The following REPS1 variants were observed in gnomAD, a reference collection of about 807,000 sequenced individuals.
The protein encoded by REPS1 is ralBP1-associated Eps domain-containing protein 1.
Under a neutral mutation model 100.9 loss-of-function variants are expected in REPS1, and 39 were observed. The observed-to-expected ratio is 0.39, with a 90% CI of 0.30 to 0.50. The LOEUF (loss-of-function observed/expected upper bound fraction) is 0.50, where lower values mean the gene tolerates loss of function less well. REPS1 is among the 20% of genes least tolerant of loss of function. The pLI is 0.86. For missense variants in REPS1, 821 were observed against 968.5 expected (o/e 0.85, Z 2.02); for synonymous variants, 324 against 340.3 (o/e 0.95, Z 0.53).
At chr6:138,973,154 G>A (rs901691617) in intron 1 of REPS1, among the ~76,000 whole-genome samples, 1 of 152,174 alleles carries the variant, frequency 6.6e-6, no homozygotes, top group East Asian at 1.9e-4. Context: ...ATAGAGTTGG[G>A]AGACTACAGA....
chr6:138,907,250 A>G, intron 19 of REPS1: 1 of 306,686 alleles, frequency 3.3e-6, no homozygotes, highest in South Asian at 5.8e-5. Flanking sequence ...GTGGGAGGAT[A>G]GCTTGAGCCC....
chr6:138,964,961 A>G (rs1783932730), intron 1 of REPS1, among the ~76,000 whole-genome samples: 1 of 152,194 alleles, frequency 6.6e-6, no homozygotes, highest in Non-Finnish European at 1.5e-5. Flanking sequence ...CAGTCAAACA[A>G]CCAATGTAAG....
chr6:138,903,667 T>G lies in REPS1; in HGVS notation c.*1397A>C, dbSNP rs1779484674. ...ATGAAATACAGCTGAGTAAAAATGT[T>G]TCTTTGAAAACAAAGACACTCAGAA... On this transcript the variant is annotated 3_prime_UTR_variant, in exon 20 of 20. Transcript: ENST00000450536. 1 of 152,216 alleles carries G rather than the reference T, an allele frequency of 6.6e-6. No homozygotes were observed. The highest frequency in any genetic ancestry group is 2.4e-5 in the African/African-American group (1 of 41,470). 9.4% of individuals were successfully genotyped at this position (152,216 alleles called of 1,614,324 possible).
intron 19 of REPS1, among the ~76,000 whole-genome samples, chr6:138,905,533 C>T (rs1779585287): frequency 6.6e-6 from 1 of 151,468 alleles, no homozygotes; most frequent in African/African-American, 2.4e-5. Context: ...CCTCATGATC[C>T]ACCCGCCTCG....
At chr6:138,933,266 T>C (rs376426038) in intron 8 of REPS1, among the ~76,000 whole-genome samples, 71 of 152,330 alleles carry the variant, frequency 4.7e-4, no homozygotes, top group African/African-American at 1.6e-3. Flanking sequence ...TTAGGCCAGA[T>C]AGTAACTATT....
intron 17 of REPS1, among the ~76,000 whole-genome samples, chr6:138,910,589 A>C (rs1055185825): frequency 3.9e-5 from 6 of 152,138 alleles, no homozygotes; most frequent in Non-Finnish European, 8.8e-5. Context: ...CCTGAGTTCA[A>C]GTGATCCGCC....
intron 17 of REPS1, 111 bp downstream of exon 17, chr6:138,911,165 G>T: frequency 1.4e-6 from 1 of 712,834 alleles, no homozygotes; most frequent in South Asian, 1.7e-5. Flanking sequence ...CTATACTACA[G>T]TTAAAGGCAG....
chr6:138,960,075 G>T (rs1239061529), intron 1 of REPS1, among the ~76,000 whole-genome samples: 1 of 152,190 alleles, frequency 6.6e-6, no homozygotes, highest in Non-Finnish European at 1.5e-5. Context: ...CTGTAGTCGA[G>T]TAAGTTGAGG....
chr6:138,962,127 T>C (rs911017592), intron 1 of REPS1, among the ~76,000 whole-genome samples: 1 of 152,178 alleles, frequency 6.6e-6, no homozygotes, highest in Admixed American at 6.5e-5. Flanking sequence ...TACTTGCATC[T>C]TCTGTCCCAA....
intron 1 of REPS1, among the ~76,000 whole-genome samples, chr6:138,956,497 A>G (rs1215868276): frequency 6.6e-6 from 1 of 151,914 alleles, no homozygotes; most frequent in Non-Finnish European, 1.5e-5. Flanking sequence ...ACTGGATGGC[A>G]TACCTAAAAG....
chr6:138,936,356 T>G (rs1479660117), intron 8 of REPS1, among the ~76,000 whole-genome samples: 1 of 152,062 alleles, frequency 6.6e-6, no homozygotes, highest in Non-Finnish European at 1.5e-5. Flanking sequence ...ACCAAAACCA[T>G]AATCTTTTAA....
At chr6:138,954,469 A>T (rs1783245888) in intron 1 of REPS1, among the ~76,000 whole-genome samples, 2 of 151,828 alleles carry the variant, frequency 1.3e-5, no homozygotes, top group South Asian at 4.2e-4. Context: ...GCCACATATA[A>T]AATACACTAA....
At chr6:138,913,674 T>C (rs1780165243) in intron 15 of REPS1, among the ~76,000 whole-genome samples, 1 of 152,222 alleles carries the variant, frequency 6.6e-6, no homozygotes, top group South Asian at 2.1e-4. Flanking sequence ...CTTCATCTCC[T>C]CTAAGAAAAA....
In REPS1 at chr6:138,969,269, A is replaced by ATTTTTTTTTTTTTTTTTTTTTTTT. The variant is rs71013004; in HGVS notation, c.153+18237_153+18260dup. Among the ~76,000 whole-genome samples the ATTTTTTTTTTTTTTTTTTTTTTTT allele has an allele frequency of 5.4e-4, 40 of 74,240 alleles. 5 individuals carry two copies. Among genetic ancestry groups the ATTTTTTTTTTTTTTTTTTTTTTTT allele is most frequent in the Non-Finnish European group, 7.3e-4 (28 of 38,346 alleles). The allele number at this position is 74,240 out of a possible 152,430, so 48.7% of individuals were successfully genotyped here. The stretch of plus-strand genomic sequence containing the variant: ...ACACAATCTATGATACAAAGCTGTA[A>ATTTTTTTTTTTTTTTTTTTTTTTT]TTTTTTTTTTTTTTTTTTTTTTTTT... On this transcript the variant is annotated intron_variant, in intron 1 of 19. Transcript: ENST00000450536.
chr6:138,951,188 CA>C (rs1309238377), intron 1 of REPS1: 53 of 143,242 alleles, frequency 3.7e-4, no homozygotes, highest in Admixed American at 9.1e-4. Context: ...AACTCCATCT[CA>C]AAAAAAAAAG....
At chr6:138,934,707 C>G (rs73561644) in intron 8 of REPS1, among the ~76,000 whole-genome samples, 13,384 of 152,134 alleles carry the variant, frequency 0.088, 1,229 homozygotes, top group African/African-American at 0.23. Flanking sequence ...ATTAATCTTA[C>G]AGAAATATAT....
chr6:138,950,083 T>C (rs1330472428), intron 1 of REPS1, among the ~76,000 whole-genome samples: 1 of 152,206 alleles, frequency 6.6e-6, no homozygotes, highest in Non-Finnish European at 1.5e-5. Context: ...TCTTCTAGAA[T>C]GTTTATGATT....
chr6:138,971,787 G>A (rs1784359731), intron 1 of REPS1, among the ~76,000 whole-genome samples: 1 of 152,100 alleles, frequency 6.6e-6, no homozygotes, highest in South Asian at 2.1e-4. Context: ...GCTAGGCAGT[G>A]GAACATCCAA....
In REPS1 at chr6:138,970,726, T is replaced by A. The variant is rs368227571; in HGVS notation, c.153+16804A>T. 1.5e-4 allele frequency among the ~76,000 whole-genome samples: 23 copies of A among 152,300 alleles called. No homozygotes were observed. The East Asian group carries it at 3.5e-3, about 23-fold the overall frequency. On this transcript the variant is annotated intron_variant, in intron 1 of 19. Transcript: ENST00000450536. ...TTAAGCTCAGGTAACAGAGGTGCAG[T>A]GAACCAAGATCGTGCCATTGCACTC... is the stretch of plus-strand genomic sequence containing the variant.
Sources: allele counts gnomAD v4.1 joint callset (sites outside exome capture counted in the v4.1 genomes callset), GRCh38; gene constraint gnomAD v4.1.1; transcripts MANE v1.5; gene names NCBI Gene and HGNC (gene_info 2026-07-23, HGNC 2026-07-21).